Variants in CAMK2D observed in about 807,000 individuals in gnomAD.
The protein encoded by CAMK2D is calcium/calmodulin-dependent protein kinase type II subunit delta.
A neutral mutation model predicts 84.0 loss-of-function variants in CAMK2D; 37 were observed. That is an observed-to-expected ratio of 0.44 (90% confidence interval 0.34 to 0.58). The LOEUF (loss-of-function observed/expected upper bound fraction) is 0.58, where lower values mean the gene tolerates loss of function less well. CAMK2D is among the 20% of genes least tolerant of loss of function. The pLI is 0.02. For synonymous variants in CAMK2D, 202 were observed against 212.5 expected, an observed-to-expected ratio of 0.95 and a Z score of 0.43; for missense variants, 448 against 652.5, an observed-to-expected ratio of 0.69 and a Z score of 3.41.
intron 2 of CAMK2D, among the ~76,000 whole-genome samples, chr4:113,671,141 A>G (rs2099280201): frequency 6.6e-6 from 1 of 152,236 alleles, no homozygotes; most frequent in East Asian, 1.9e-4. Flanking sequence ...ACAAAAAGTG[A>G]AAAGTATAAA....
At chr4:113,724,451 T>G (rs565167439) in intron 2 of CAMK2D, among the ~76,000 whole-genome samples, 9 of 152,010 alleles carry the variant, frequency 5.9e-5, no homozygotes, top group African/African-American at 2.2e-4. Flanking sequence ...GCTTTCATTT[T>G]CAATTAATCT....
chr4:113,598,430 A>C (rs568161002), intron 4 of CAMK2D, among the ~76,000 whole-genome samples: 1 of 152,342 alleles, frequency 6.6e-6, no homozygotes, highest in African/African-American at 2.4e-5. Context: ...ACAAAACTCT[A>C]AAACTTCCCA....
At chr4:113,487,277 G>T (rs1262541237) in intron 16 of CAMK2D, among the ~76,000 whole-genome samples, 1 of 151,934 alleles carries the variant, frequency 6.6e-6, no homozygotes, top group Non-Finnish European at 1.5e-5. Flanking sequence ...AAATCAAGGG[G>T]GTTATAGCAG....
intron 3 of CAMK2D, among the ~76,000 whole-genome samples, chr4:113,610,089 G>T (rs1370956292): frequency 6.7e-6 from 1 of 150,294 alleles, no homozygotes; most frequent in Non-Finnish European, 1.5e-5. Flanking sequence ...AGGTGTACAT[G>T]TGCAGGTCTG....
intron 2 of CAMK2D, among the ~76,000 whole-genome samples, chr4:113,758,440 T>C (rs1267564992): frequency 6.6e-6 from 1 of 152,146 alleles, no homozygotes; most frequent in Admixed American, 6.6e-5. Context: ...TGAGGAAAAC[T>C]AAACCTAATG....
At chr4:113,524,632 T>C (rs2098402805) in intron 8 of CAMK2D, among the ~76,000 whole-genome samples, 1 of 152,218 alleles carries the variant, frequency 6.6e-6, no homozygotes, top group Non-Finnish European at 1.5e-5. Context: ...AAGGTGCTTC[T>C]TTCAATTCTT....
intron 4 of CAMK2D, among the ~76,000 whole-genome samples, chr4:113,586,630 TC>T (rs1408741869): frequency 1.3e-5 from 2 of 152,150 alleles, no homozygotes; most frequent in Admixed American, 6.5e-5. Context: ...GAGGCTCAGC[TC>T]AATTCTGTTA....
At chr4:113,462,506 C>G (rs758459993) in intron 17 of CAMK2D, among the ~76,000 whole-genome samples, 2 of 152,118 alleles carry the variant, frequency 1.3e-5, no homozygotes, top group Non-Finnish European at 2.9e-5. Context: ...ATTCTACCAT[C>G]CCAAAAGCTC....
intron 3 of CAMK2D, among the ~76,000 whole-genome samples, chr4:113,647,840 A>G (rs1337245717): frequency 4.6e-5 from 7 of 152,242 alleles, no homozygotes; most frequent in Admixed American, 4.6e-4. Flanking sequence ...GCAGATTTAT[A>G]TAAGAAATAT....
intron 4 of CAMK2D, among the ~76,000 whole-genome samples, chr4:113,557,809 A>G (rs1336778814): frequency 1.3e-5 from 2 of 152,232 alleles, no homozygotes; most frequent in African/African-American, 4.8e-5. Flanking sequence ...TATTATGAGC[A>G]TGGATGAGTT....
chr4:113,598,196 C>T (rs993926875), intron 4 of CAMK2D, among the ~76,000 whole-genome samples: 42 of 152,082 alleles, frequency 2.8e-4, no homozygotes, highest in African/African-American at 7.0e-4. Flanking sequence ...AAGAGATCAA[C>T]GGTACAGAAC....
At chr4:113,594,084 A>T (rs1211912048) in intron 4 of CAMK2D, among the ~76,000 whole-genome samples, 2 of 152,164 alleles carry the variant, frequency 1.3e-5, no homozygotes, top group South Asian at 2.1e-4. Flanking sequence ...CTCATGGCAG[A>T]AAGCAAAGCA....
chr4:113,457,013 C>CAATTGAG, intron 19 of CAMK2D: 1 of 252,370 alleles, frequency 4.0e-6, no homozygotes, highest in East Asian at 9.2e-5. Context: ...CTTCTTCTGT[C>CAATTGAG]AATTGAGAAG....
intron 7 of CAMK2D, among the ~76,000 whole-genome samples, chr4:113,531,753 G>A (rs1290607922): frequency 1.3e-5 from 2 of 152,154 alleles, no homozygotes; most frequent in Non-Finnish European, 2.9e-5. Flanking sequence ...CTAAAGAGAA[G>A]ATGCAGGAAT....
At position 113,761,593 on chromosome 4, in the gene CAMK2D, G is replaced by A; in HGVS notation, c.-525C>T. On this transcript the variant is annotated 5_prime_UTR_variant, in exon 1 of 21. Coordinates refer to ENST00000511664, the MANE Select transcript of CAMK2D (RefSeq NM_001321571.2). ...GCCGCTGTCAGCAGGCTCAGGCGCG[G>A]GGCGCGCCGGGGCTCCGACGAGCGT... 2.0e-6 allele frequency: 2 copies of A among 985,098 alleles called. No homozygotes were observed. Among genetic ancestry groups the A allele is most frequent in the Non-Finnish European group, 1.2e-6 (1 of 829,752 alleles). The allele number at this position is 985,098 out of a possible 1,614,324, so 61.0% of individuals were successfully genotyped here. A position where few individuals can be genotyped will look rare whatever the true frequency, so the allele number is the denominator to read the frequency against.
rs185555153 is a variant in CAMK2D at position 113,453,445 on chromosome 4, A to T, written c.*1100T>A. On this transcript the variant is annotated 3_prime_UTR_variant, in exon 21 of 21. Transcript: ENST00000511664. Reference sequence around the variant, plus strand: ...CCAATCAGTAAGACGTTGCAGTCACAGGAGGAACTTGCTTTTATCCTAACT... The same window carrying T: ...CCAATCAGTAAGACGTTGCAGTCACTGGAGGAACTTGCTTTTATCCTAACT... The T allele has an allele frequency of 9.8e-5, 15 of 152,286 alleles. No homozygotes were observed. Among genetic ancestry groups the T allele is most frequent in the Non-Finnish European group, 2.1e-4 (14 of 68,014 alleles). The allele number at this position is 152,286 out of a possible 1,614,324, so 9.4% of individuals were successfully genotyped here.
intron 4 of CAMK2D, among the ~76,000 whole-genome samples, chr4:113,557,244 T>G (rs1490102761): frequency 6.6e-6 from 1 of 152,116 alleles, no homozygotes; most frequent in Non-Finnish European, 1.5e-5. Context: ...ACACAATAGC[T>G]TTAAATGTAC....
chr4:113,596,675 T>TA (rs1553990965), intron 4 of CAMK2D, among the ~76,000 whole-genome samples: 1 of 151,780 alleles, frequency 6.6e-6, no homozygotes, highest in Non-Finnish European at 1.5e-5. Flanking sequence ...TCATTTTTCT[T>TA]CCCCCCCAGG....
intron 2 of CAMK2D, among the ~76,000 whole-genome samples, chr4:113,714,579 T>C (rs1177069358): frequency 6.6e-6 from 1 of 152,056 alleles, no homozygotes; most frequent in Non-Finnish European, 1.5e-5. Context: ...GAAACTCCCA[T>C]ACCTTCCCTA....
Sources: gnomAD v4.1 joint callset for allele counts (sites outside exome capture counted in the v4.1 genomes callset) on GRCh38, gnomAD v4.1.1 for gene constraint, MANE v1.5 for transcripts, NCBI Gene and HGNC (gene_info 2026-07-23, HGNC 2026-07-21) for gene names.